HIC2: variants seen among roughly 807,000 people sequenced by gnomAD.
HIC2 encodes hypermethylated in cancer 2 protein.
A neutral mutation model predicts 39.5 loss-of-function variants in HIC2; 2 were observed. That is an observed-to-expected ratio of 0.05 (90% CI 0.02 to 0.16). The LOEUF (loss-of-function observed/expected upper bound fraction) is 0.16, where lower values mean the gene tolerates loss of function less well. Ranked by LOEUF, HIC2 falls within the 10% of genes least tolerant of loss-of-function variation. HIC2 has a pLI of 1.00. For missense variants in HIC2, 713 were observed against 863.5 expected (o/e 0.83, Z 2.18); for synonymous variants, 399 against 368.8 (o/e 1.08, Z -0.94).
Position 21,445,358 on chromosome 22 carries a change from G to A in HIC2, c.463G>A (p.Gly155Ser), listed in dbSNP as rs773390648. 1 of 1,570,136 alleles carries A rather than the reference G, an allele frequency of 6.4e-7. No homozygotes were observed. Among genetic ancestry groups the A allele is most frequent in the Admixed American group, 1.8e-5 (1 of 56,208 alleles). The change falls in exon 3 of 3, where the codon GGC becomes AGC. Residue 155 changes from glycine to serine, a missense_variant. Physicochemically the swap from Gly to Ser is moderately conservative, Grantham distance 56 (BLOSUM62 0). Coordinates refer to ENST00000407464, the MANE Select transcript of HIC2 (RefSeq NM_015094.3). Reference sequence around the variant, plus strand: ...TGGCTCTGGGAGGGCGGGGTCCACTGGCATGGGGCGGCCCCCCCGCAGCCA... The same window carrying A: ...TGGCTCTGGGAGGGCGGGGTCCACTAGCATGGGGCGGCCCCCCCGCAGCCA... ...PFGSGRAGST[G>S]MGRPPRSQRL...
In HIC2 at chr22:21,451,110, C is replaced by T. The variant is rs1178784467; in HGVS notation, c.*4367C>T. ...GGGGGACCCAGGTTGGGCACTGGCT[C>T]ATTTCTCGCAAATACCTCGAAGGGG... is the stretch of plus-strand genomic sequence containing the variant. On this transcript the variant is annotated 3_prime_UTR_variant, in exon 3 of 3. Coordinates refer to ENST00000407464, the MANE Select transcript of HIC2 (RefSeq NM_015094.3). 78 of 152,302 alleles carry T rather than the reference C, an allele frequency of 5.1e-4. 1 individual carries two copies. The highest frequency in any genetic ancestry group is 1.0e-4 in the Non-Finnish European group (7 of 67,994). The allele number at this position is 152,302 out of a possible 1,614,324, so 9.4% of individuals were successfully genotyped here.
intron 1 of HIC2, among the ~76,000 whole-genome samples, chr22:21,425,545 T>C (rs1439289570): frequency 5.5e-4 from 29 of 52,960 alleles, no homozygotes; most frequent in Non-Finnish European, 1.2e-4. Flanking sequence ...ATTTTTTCTT[T>C]TTTTTTTTTT....
At chr22:21,443,714 TC>T (rs938604849) in intron 2 of HIC2, among the ~76,000 whole-genome samples, 1 of 152,036 alleles carries the variant, frequency 6.6e-6, no homozygotes. Flanking sequence ...TGGCATGCCT[TC>T]CCCAGCACCC....
rs770195654 is a variant in HIC2 at position 21,445,911 on chromosome 22, G to T, written c.1016G>T (p.Trp339Leu). ...SLRHSTRKKE[W>L]GKKEPVAGSP... ...CGGCACTCCACTCGGAAGAAGGAGT[G>T]GGGCAAGAAGGAGCCTGTGGCTGGC... is the stretch of plus-strand genomic sequence containing the variant. Residue 339 changes from tryptophan to leucine, a missense_variant, in exon 3 of 3, where the codon TGG (tryptophan) becomes TTG (leucine). Coordinates refer to ENST00000407464, the MANE Select transcript of HIC2 (RefSeq NM_015094.3). 4 of 1,597,302 alleles carry T rather than the reference G, an allele frequency of 2.5e-6. No individual in the cohort carries two copies. The highest frequency in any genetic ancestry group is 1.8e-5 in the Admixed American group (1 of 56,560).
At chr22:21,426,413 C>T (rs1290125850) in intron 1 of HIC2, among the ~76,000 whole-genome samples, 45 of 141,854 alleles carry the variant, frequency 3.2e-4, no homozygotes, top group African/African-American at 8.7e-4. Flanking sequence ...CCTCCTACCA[C>T]GACCTCCTAA....
rs769376280 is a variant in HIC2 at position 21,445,660 on chromosome 22, C to T, written c.765C>T (p.Pro255=). The T allele has an allele frequency of 3.1e-5, 49 of 1,605,154 alleles. No individual in the cohort carries two copies. Among genetic ancestry groups the T allele is most frequent in the Non-Finnish European group, 3.8e-5 (45 of 1,176,654 alleles). Residue 255 remains proline, a synonymous_variant, in exon 3 of 3, where the codon CCC becomes CCT. Coordinates refer to ENST00000407464, the MANE Select transcript of HIC2 (RefSeq NM_015094.3). ...LGLDLSKKSP[P]LPPATPGPHL... Reference sequence around the variant, plus strand: ...TGGACCTGTCCAAGAAAAGCCCACCCTTGCCCCCTGCCACCCCAGGTCCCC... The same window carrying T: ...TGGACCTGTCCAAGAAAAGCCCACCTTTGCCCCCTGCCACCCCAGGTCCCC...
chr22:21,451,248 G>C lies in HIC2; in HGVS notation c.*4505G>C. On this transcript the variant is annotated 3_prime_UTR_variant, in exon 3 of 3. Coordinates refer to ENST00000407464, the MANE Select transcript of HIC2 (RefSeq NM_015094.3). ...GGAGGGACACCGGGATCGCACTCCT[G>C]TACTGGCCACCGCCGCTGTCACTTG... The C allele has an allele frequency of 6.5e-6, 1 of 152,812 alleles. No individual in the cohort carries two copies. The highest frequency in any genetic ancestry group is 1.9e-4 in the East Asian group (1 of 5,334). The allele number at this position is 152,812 out of a possible 1,614,324, so 9.5% of individuals were successfully genotyped here.
At chr22:21,444,405 A>G (rs867031083) in intron 2 of HIC2, among the ~76,000 whole-genome samples, 11 of 152,248 alleles carry the variant, frequency 7.2e-5, no homozygotes, top group African/African-American at 1.4e-4. Flanking sequence ...AGGCAGCAAC[A>G]TGACTGCTGG....
Position 21,444,944 on chromosome 22 carries a change from G to A in HIC2, c.49G>A (p.Gly17Arg), listed in dbSNP as rs756050703. 6.2e-6 allele frequency: 10 copies of A among 1,612,554 alleles called. No individual in the cohort carries two copies. The highest frequency in any genetic ancestry group is 2.7e-5 in the African/African-American group (2 of 74,908). Residue 17 changes from glycine to arginine, a missense_variant, in exon 3 of 3, where the codon GGG (glycine) becomes AGG (arginine). Gly to Arg is a moderately radical substitution (Grantham distance 125). Transcript: ENST00000407464. The stretch of plus-strand genomic sequence containing the variant: ...CAGGTGGTGCGCGTGGGCAGGGCGC[G>A]GGGACATGGGGCCCGACATGGAGCT... ...ALRWCAWAGR[G>R]DMGPDMELPS...
chr22:21,448,308 C>A lies in HIC2; in HGVS notation c.*1565C>A, dbSNP rs78874131. ...TTGAGAGAGCTGACCACAGGGCCCCCCGGGGAACAGGGATGGCACTTCCCT... is the reference window on the plus strand; with the variant it reads ...TTGAGAGAGCTGACCACAGGGCCCCACGGGGAACAGGGATGGCACTTCCCT... On this transcript the variant is annotated 3_prime_UTR_variant, in exon 3 of 3. Coordinates refer to ENST00000407464, the MANE Select transcript of HIC2 (RefSeq NM_015094.3). 2.0e-3 allele frequency: 311 copies of A among 152,898 alleles called. 2 individuals are homozygous for A. Among genetic ancestry groups the A allele is most frequent in the African/African-American group, 7.3e-3 (304 of 41,576 alleles). The allele number at this position is 152,898 out of a possible 1,614,324, so 9.5% of individuals were successfully genotyped here.
At position 21,448,815 on chromosome 22, in the gene HIC2, T is replaced by C. The variant is rs1329020689; in HGVS notation, c.*2072T>C. 2.6e-5 allele frequency: 4 copies of C among 152,658 alleles called. No individual in the cohort carries two copies. Among genetic ancestry groups the C allele is most frequent in the Non-Finnish European group, 5.9e-5 (4 of 68,034 alleles). The allele number at this position is 152,658 out of a possible 1,614,324, so 9.5% of individuals were successfully genotyped here. A position where few individuals can be genotyped will look rare whatever the true frequency, so the allele number is the denominator to read the frequency against. On this transcript the variant is annotated 3_prime_UTR_variant, in exon 3 of 3. Coordinates refer to ENST00000407464, the MANE Select transcript of HIC2 (RefSeq NM_015094.3). Reference sequence around the variant, plus strand: ...GGTCTCAGGTTCCAGCAAGTCAGGCTAGGGACCTGGGGGGAGGAGACCCAT... The same window carrying C: ...GGTCTCAGGTTCCAGCAAGTCAGGCCAGGGACCTGGGGGGAGGAGACCCAT...
intron 1 of HIC2, among the ~76,000 whole-genome samples, chr22:21,418,036 C>T (rs1245860906): frequency 1.4e-5 from 2 of 146,474 alleles, no homozygotes; most frequent in African/African-American, 4.9e-5. Context: ...GGTCCTGCAC[C>T]GTCTGCGGTC....
chr22:21,444,773 C>T (rs1345462346), intron 2 of HIC2, 149 bp from the exon 3 acceptor site: 1 of 778,778 alleles, frequency 1.3e-6, no homozygotes, highest in African/African-American at 1.7e-5. Context: ...GCATTGTGGG[C>T]TTATGTGCCG....
chr22:21,444,794 C>T (rs1005618216), intron 2 of HIC2, 128 bp from the exon 3 acceptor site: 19 of 998,930 alleles, frequency 1.9e-5, no homozygotes, highest in East Asian at 1.2e-4. Context: ...TGTACTGTGC[C>T]GCAGGGGCTC....
intron 1 of HIC2, among the ~76,000 whole-genome samples, chr22:21,417,973 C>T (rs1922947836): frequency 6.8e-6 from 1 of 147,892 alleles, no homozygotes; most frequent in Non-Finnish European, 1.5e-5. Flanking sequence ...TGCAAACGGC[C>T]CTGCGCCCGC....
At chr22:21,432,701 A>T (rs1167215406) in intron 1 of HIC2, among the ~76,000 whole-genome samples, 1 of 145,846 alleles carries the variant, frequency 6.9e-6, no homozygotes, top group African/African-American at 2.6e-5. Context: ...AAAAAAGTCA[A>T]TTGGACCTTA....
Position 21,445,372 on chromosome 22 carries a change from C to T in HIC2, c.477C>T (p.Pro159=). Residue 159 remains proline, a synonymous_variant, in exon 3 of 3, where the codon CCC becomes CCT. Coordinates refer to ENST00000407464, the MANE Select transcript of HIC2 (RefSeq NM_015094.3). ...GRAGSTGMGR[P]PRSQRLSTAS... ...CGGGGTCCACTGGCATGGGGCGGCC[C>T]CCCCGCAGCCAGCGGCTGTCCACGG... 1 of 1,556,282 alleles carries T rather than the reference C, an allele frequency of 6.4e-7. No homozygotes were observed. Among genetic ancestry groups the T allele is most frequent in the Non-Finnish European group, 8.7e-7 (1 of 1,152,722 alleles).
rs142295205 is a variant in HIC2, at chr22:21,449,846, C to T, written c.*3103C>T. The T allele has an allele frequency of 3.2e-3, 484 of 152,892 alleles. 3 individuals carry two copies. The highest frequency in any genetic ancestry group is 0.01 in the Middle Eastern group (3 of 294). The allele number at this position is 152,892 out of a possible 1,614,324, so 9.5% of individuals were successfully genotyped here. A position where few individuals can be genotyped will look rare whatever the true frequency, so the allele number is the denominator to read the frequency against. ...ACCAGCTAGCCTACGCGGGGATGGCCGTCAGTTCTGGCCACAGGACCCGAG... is the reference window on the plus strand; with the variant it reads ...ACCAGCTAGCCTACGCGGGGATGGCTGTCAGTTCTGGCCACAGGACCCGAG... On this transcript the variant is annotated 3_prime_UTR_variant, in exon 3 of 3. Transcript: ENST00000407464.
chr22:21,446,061 G>T lies in HIC2; in HGVS notation c.1166G>T (p.Gly389Val). The change falls in exon 3 of 3, where the codon GGG becomes GTG. Residue 389 changes from glycine to valine, a missense_variant. Gly to Val is a moderately radical substitution (Grantham distance 109). Transcript: ENST00000407464. ...GGGGCTGGCCCTAGCGGGCCCTATG[G>T]GGAGCCCCCCTACCCCTGCAAGGAG... ...ASGAGPSGPY[G>V]EPPYPCKEEE... The T allele has an allele frequency of 1.2e-6, 2 of 1,606,586 alleles. No homozygotes were observed. The highest frequency in any genetic ancestry group is 2.2e-5 in the South Asian group (2 of 90,870).
Sources: gnomAD v4.1 joint callset for allele counts (sites outside exome capture counted in the v4.1 genomes callset) on GRCh38, gnomAD v4.1.1 for gene constraint, MANE v1.5 for transcripts, NCBI Gene and HGNC (gene_info 2026-07-23, HGNC 2026-07-21) for gene names.